Variants in GABRB3 observed in about 807,000 individuals in gnomAD.
GABRB3 encodes gamma-aminobutyric acid receptor subunit beta-3.
A neutral mutation model predicts 52.1 loss-of-function variants in GABRB3; 14 were observed. That is an observed-to-expected ratio of 0.27 (90% CI 0.18 to 0.42). GABRB3 has a LOEUF of 0.42. Among genes scored for constraint, GABRB3 ranks in the 10% least tolerant of loss-of-function variants. The pLI is 1.00. For missense variants in GABRB3, 307 were observed against 609.1 expected (o/e 0.50, Z 5.22); for synonymous variants, 260 against 232.3 (o/e 1.12, Z -1.08).
intron 3 of GABRB3, among the ~76,000 whole-genome samples, chr15:26,700,100 GA>G (rs930563629): frequency 6.6e-6 from 1 of 150,770 alleles, no homozygotes; most frequent in Admixed American, 6.6e-5. Flanking sequence ...GACTGATAAG[GA>G]AAAAAAACAA....
At chr15:26,613,444 A>AGAAG (rs57100029) in intron 4 of GABRB3, 27,102 of 151,284 alleles carry the variant, frequency 0.18, 2,478 homozygotes, top group African/African-American at 0.25. Flanking sequence ...AGAAAAAGAA[A>AGAAG]GAAGGAAGGA....
intron 3 of GABRB3, among the ~76,000 whole-genome samples, chr15:26,760,676 ATAAT>A (rs754726931): frequency 1.1e-4 from 16 of 150,818 alleles, no homozygotes; most frequent in Non-Finnish European, 1.9e-4. Flanking sequence ...AGATAAATGG[ATAAT>A]TGATTGATTG....
At chr15:26,769,225 T>C (rs1891077715) in intron 3 of GABRB3, among the ~76,000 whole-genome samples, 1 of 152,248 alleles carries the variant, frequency 6.6e-6, no homozygotes, top group African/African-American at 2.4e-5. Flanking sequence ...TCAAAGTCCT[T>C]GTTTTGAACT....
At position 26,621,289 on chromosome 15, in the gene GABRB3, A is replaced by G. The variant is rs909772547; in HGVS notation, c.461+25T>C. On this transcript the variant is annotated intron_variant, in intron 4 of 8. Transcript: ENST00000311550. This position sits in a 1 kb window ranked among gnomAD's most constrained non-coding sequence, Gnocchi z 4.1. ...CACCCATGCACCATGCAACAGCAAA[A>G]TTGGTCCTGAAGAGGCACACAGACC... 18 of 1,593,564 alleles carry G rather than the reference A, an allele frequency of 1.1e-5. No homozygotes were observed. The highest frequency in any genetic ancestry group is 1.5e-5 in the Non-Finnish European group (18 of 1,162,682).
intron 3 of GABRB3, among the ~76,000 whole-genome samples, chr15:26,721,343 G>A (rs1240551326): frequency 6.6e-6 from 1 of 152,084 alleles, no homozygotes; most frequent in Non-Finnish European, 1.5e-5. Context: ...ATTTGTAAGG[G>A]TGTCTTCCTC....
chr15:26,665,945 T>C (rs998539122), intron 3 of GABRB3, among the ~76,000 whole-genome samples: 2 of 152,240 alleles, frequency 1.3e-5, no homozygotes, highest in African/African-American at 2.4e-5. Flanking sequence ...GGTAAGCCAC[T>C]GAGACAAGTA....
Position 26,746,606 on chromosome 15 carries a change from T to G in GABRB3, c.240+25796A>C, listed in dbSNP as rs535279858. The stretch of plus-strand genomic sequence containing the variant: ...TGTTTTTTTTTTTTTTTGGAGTTTG[T>G]GTAAGTCTGAGGTTTAGGTCAAAGT... On this transcript the variant is annotated intron_variant, in intron 3 of 8. Coordinates refer to ENST00000311550, the MANE Select transcript of GABRB3 (RefSeq NM_000814.6). Among the ~76,000 whole-genome samples, 29 of 150,204 alleles carry G rather than the reference T, an allele frequency of 1.9e-4. 1 individual carries two copies. In the South Asian group the frequency reaches 6.1e-3, roughly 32 times the overall value.
intron 3 of GABRB3, among the ~76,000 whole-genome samples, chr15:26,761,598 T>C (rs140748777): frequency 1.7e-3 from 257 of 152,216 alleles, no homozygotes; most frequent in Middle Eastern, 3.5e-3. Flanking sequence ...CCTGTGTATA[T>C]AATAGAATAT....
intron 4 of GABRB3, among the ~76,000 whole-genome samples, chr15:26,605,214 A>G (rs1891742304): frequency 6.6e-6 from 1 of 152,200 alleles, no homozygotes; most frequent in Admixed American, 6.5e-5. Flanking sequence ...ACAATGAGAT[A>G]CCATCTCACC....
intron 6 of GABRB3, among the ~76,000 whole-genome samples, 193 bp from the exon 7 acceptor site, chr15:26,567,926 A>G (rs377596740): frequency 3.3e-5 from 5 of 152,244 alleles, no homozygotes; most frequent in African/African-American, 1.2e-4. Flanking sequence ...TTTTCGGTCT[A>G]TTTATAAGAT....
intron 3 of GABRB3, among the ~76,000 whole-genome samples, chr15:26,684,501 T>C (rs61998712): frequency 1.3e-5 from 2 of 152,098 alleles, no homozygotes; most frequent in Non-Finnish European, 2.9e-5. Context: ...CTTGGCTGTT[T>C]GGTGCAAGAA....
In GABRB3 at chr15:26,560,942, T is replaced by G. The variant is rs1353127492; in HGVS notation, c.1070A>C (p.Glu357Ala). The G allele has an allele frequency of 1.2e-6, 2 of 1,613,972 alleles. No homozygotes were observed. The highest frequency in any genetic ancestry group is 3.3e-5 in the Admixed American group (2 of 60,028). ...TGGTGGAGAGCCTACCCGGTTGCTT[T>G]CGCTCTTTGAACGGTCATTCTTTGC... ...AKAKNDRSKS[E>A]SNRVDAHGNI... Residue 357 changes from glutamate to alanine, a missense_variant, in exon 8 of 9, where the codon GAA (glutamate) becomes GCA (alanine). Coordinates refer to ENST00000311550, the MANE Select transcript of GABRB3 (RefSeq NM_000814.6).
chr15:26,706,504 T>C (rs1889109536), intron 3 of GABRB3, among the ~76,000 whole-genome samples: 1 of 152,062 alleles, frequency 6.6e-6, no homozygotes, highest in African/African-American at 2.4e-5. Flanking sequence ...CATTGCTTCA[T>C]CAAACATTTA....
At chr15:26,698,723 T>C (rs1191826252) in intron 3 of GABRB3, among the ~76,000 whole-genome samples, 1 of 152,150 alleles carries the variant, frequency 6.6e-6, no homozygotes, top group Non-Finnish European at 1.5e-5. Flanking sequence ...CATTATTGCC[T>C]TTCCCCTGTC....
chr15:26,729,546 A>C (rs1488469642), intron 3 of GABRB3, among the ~76,000 whole-genome samples: 1 of 152,134 alleles, frequency 6.6e-6, no homozygotes, highest in African/African-American at 2.4e-5. Flanking sequence ...AGAAGCCTTT[A>C]AGTTAATCTG....
intron 7 of GABRB3, among the ~76,000 whole-genome samples, chr15:26,566,713 C>CA (rs1890190934): frequency 6.6e-6 from 1 of 151,958 alleles, no homozygotes. Flanking sequence ...GCTTGGGTGA[C>CA]AGAGTGAGAC....
Position 26,621,625 on chromosome 15 carries a change from G to T in GABRB3, c.241-91C>A. 2 of 960,564 alleles carry T rather than the reference G, an allele frequency of 2.1e-6. No homozygotes were observed. The highest frequency in any genetic ancestry group is 3.2e-6 in the Non-Finnish European group (2 of 616,634). 59.5% of individuals were successfully genotyped at this position (960,564 alleles called of 1,614,324 possible). ...CAGCCAAATTCAGGTTGCAATCTAG[G>T]CTCTACAGTGAATAACCAGGAGAAA... On this transcript the variant is annotated intron_variant, in intron 3 of 8. Transcript: ENST00000311550. This position sits in a 1 kb window ranked among gnomAD's most constrained non-coding sequence, Gnocchi z 4.1.
In GABRB3 at chr15:26,665,137, T is replaced by C. The variant is rs1267699747; in HGVS notation, c.241-43603A>G. 3.3e-5 allele frequency among the ~76,000 whole-genome samples: 5 copies of C among 152,354 alleles called. No homozygotes were observed. In the East Asian group the frequency reaches 9.6e-4, roughly 29 times the overall value. On this transcript the variant is annotated intron_variant, in intron 3 of 8. Coordinates refer to ENST00000311550, the MANE Select transcript of GABRB3 (RefSeq NM_000814.6). ...GTATTTAAAATGTTAAAATACAAAATACATTATTTTTAACTATAGTCGCCC... is the reference window on the plus strand; with the variant it reads ...GTATTTAAAATGTTAAAATACAAAACACATTATTTTTAACTATAGTCGCCC...
intron 8 of GABRB3, among the ~76,000 whole-genome samples, chr15:26,551,368 G>A (rs1222873825): frequency 2.0e-5 from 3 of 152,176 alleles, no homozygotes; most frequent in African/African-American, 4.8e-5. Flanking sequence ...TCCTTTAGTG[G>A]AGTCTGGAAT....
Sources: allele counts gnomAD v4.1 joint callset (sites outside exome capture counted in the v4.1 genomes callset), GRCh38; gene constraint gnomAD v4.1.1; non-coding constraint Gnocchi (gnomAD v3.1); transcripts MANE v1.5; gene names NCBI Gene and HGNC (gene_info 2026-07-23, HGNC 2026-07-21).